Variants in CAST observed in about 807,000 individuals in gnomAD.
CAST encodes the protein MIR583 host.
Under a neutral mutation model 119.6 loss-of-function variants are expected in CAST, and 76 were observed. The ratio of observed to expected loss-of-function variants is 0.64; its 90% confidence interval spans 0.53 to 0.77. The LOEUF (loss-of-function observed/expected upper bound fraction) is 0.77. Among genes scored for constraint, CAST ranks in the 30% least tolerant of loss-of-function variants. The pLI is 0.00. For synonymous variants in CAST, 319 were observed against 331.6 expected, an observed-to-expected ratio of 0.96 and a Z score of 0.41; for missense variants, 953 against 946.5, an observed-to-expected ratio of 1.01 and a Z score of -0.09.
the CAST span, among the ~76,000 whole-genome samples, chr5:96,437,546 T>C: frequency 1.3e-5 from 2 of 152,202 alleles, no homozygotes; most frequent in African/African-American, 4.8e-5. Flanking sequence ...TCCTGAAGTA[T>C]GTCTTTCTAT....
chr5:96,560,751 G>T (rs1404147122), intron 1 of CAST, among the ~76,000 whole-genome samples: 1 of 152,050 alleles, frequency 6.6e-6, no homozygotes, highest in East Asian at 1.9e-4. Context: ...TACACTGTTG[G>T]TGGGACTGTA....
At chr5:96,758,580 ATATATT>A (rs1484973042) in intron 24 of CAST, among the ~76,000 whole-genome samples, 2 of 152,198 alleles carry the variant, frequency 1.3e-5, no homozygotes, top group East Asian at 1.9e-4. Context: ...GGCATGGAAA[ATATATT>A]TATATCAGTT....
At chr5:96,243,748 G>T in the CAST span, among the ~76,000 whole-genome samples, 8 of 152,092 alleles carry the variant, frequency 5.3e-5, no homozygotes, top group Non-Finnish European at 7.3e-5. Context: ...GTGGACATCT[G>T]CGGATTTTTT....
intron 2 of CAST, chr5:96,675,885 G>C: frequency 3.3e-6 from 1 of 300,380 alleles, no homozygotes; most frequent in Non-Finnish European, 6.0e-6. Context: ...AAATTGTTTT[G>C]TTGGCGAATA....
At chr5:96,561,786 G>GGTTTTTTTTTTTTTTTTTTTTT (rs1189100090) in intron 1 of CAST, among the ~76,000 whole-genome samples, 2 of 105,432 alleles carry the variant, frequency 1.9e-5, no homozygotes, top group Non-Finnish European at 1.9e-5. Flanking sequence ...TTATATATAT[G>GGTTTTTTTTTTTTTTTTTTTTT]TTTTTTTTTG....
At chr5:96,508,241 G>C in the CAST span, among the ~76,000 whole-genome samples, 1 of 152,026 alleles carries the variant, frequency 6.6e-6, no homozygotes, top group African/African-American at 2.4e-5. Flanking sequence ...GAGCAAGCCA[G>C]GCCCAAATTC....
At chr5:96,285,661 G>C in the CAST span, among the ~76,000 whole-genome samples, 18 of 152,104 alleles carry the variant, frequency 1.2e-4, 1 homozygote, top group Non-Finnish European at 2.6e-4. Flanking sequence ...CCTCATCTCA[G>C]TTATTCCGCT....
In CAST at chr5:96,731,771, C is replaced by T. The variant is rs149546; in HGVS notation, c.630+911C>T. On this transcript the variant is annotated intron_variant, in intron 9 of 31. Transcript: ENST00000675179. ...TGCGGTGTTTGGTTTTTCGTTCTTG[C>T]GATAGTTTACTGAGAATGATGATTT... Among the ~76,000 whole-genome samples the T allele has an allele frequency of 2.3e-3, 337 of 148,564 alleles. 16 individuals carry two copies. The South Asian group carries it at 0.063, about 28-fold the overall frequency.
chr5:96,625,956 A>G (rs1486533069), intron 1 of CAST, among the ~76,000 whole-genome samples: 1 of 152,186 alleles, frequency 6.6e-6, no homozygotes, highest in African/African-American at 2.4e-5. Context: ...AACTGCCTGC[A>G]GTCTGAGACC....
At chr5:96,727,594 T>C (rs968951589) in intron 6 of CAST, 64 bp downstream of exon 6, 17 of 1,083,552 alleles carry the variant, frequency 1.6e-5, no homozygotes, top group Non-Finnish European at 2.3e-5. Flanking sequence ...AATAATCAAC[T>C]TCCTGCCTTG....
the CAST span, among the ~76,000 whole-genome samples, chr5:96,058,115 G>T: frequency 6.6e-6 from 1 of 152,006 alleles, no homozygotes; most frequent in Non-Finnish European, 1.5e-5. Context: ...TTGCTGTGGT[G>T]CATTACCCAG....
In CAST at chr5:96,632,099, T is replaced by G. The variant is rs1333495145; in HGVS notation, c.61-43440T>G. ...TGTAGCATCATAATGACTAATTATGTTGATCACCTTTCATGTGCTTGTCAG... is the reference window on the plus strand; with the variant it reads ...TGTAGCATCATAATGACTAATTATGGTGATCACCTTTCATGTGCTTGTCAG... On this transcript the variant is annotated intron_variant, in intron 1 of 11. Coordinates refer to the CAST transcript ENST00000505143. 2.0e-5 allele frequency among the ~76,000 whole-genome samples: 3 copies of G among 151,692 alleles called. No individual in the cohort carries two copies. The East Asian group carries it at 5.8e-4, about 29-fold the overall frequency.
At chr5:96,103,245 A>T in the CAST span, among the ~76,000 whole-genome samples, 2 of 151,964 alleles carry the variant, frequency 1.3e-5, no homozygotes, top group East Asian at 1.9e-4. Flanking sequence ...CATGTGCACA[A>T]TGTGCAGGTT....
the CAST span, among the ~76,000 whole-genome samples, chr5:96,206,736 G>A: frequency 6.6e-6 from 1 of 152,054 alleles, no homozygotes; most frequent in Non-Finnish European, 1.5e-5. Context: ...GACAGATAAT[G>A]TGATGCCTCC....
chr5:96,767,826 T>G (rs1246300588), intron 28 of CAST, 81 bp from the exon 29 acceptor site: 1 of 789,352 alleles, frequency 1.3e-6, no homozygotes, highest in East Asian at 2.5e-5. Context: ...ATCTTTTATT[T>G]GTAAGTGATG....
chr5:96,677,990 A>T (rs972334661), intron 2 of CAST, among the ~76,000 whole-genome samples: 2 of 152,190 alleles, frequency 1.3e-5, no homozygotes, highest in Non-Finnish European at 2.9e-5. Context: ...CAAATAAGTC[A>T]TTAATGAGAT....
the CAST span, among the ~76,000 whole-genome samples, chr5:96,487,352 T>C: frequency 1.3e-5 from 2 of 152,242 alleles, no homozygotes; most frequent in Non-Finnish European, 1.5e-5. Flanking sequence ...TACATCATAC[T>C]ATCATAGCAT....
At chr5:96,133,805 G>A in the CAST span, among the ~76,000 whole-genome samples, 1 of 152,212 alleles carries the variant, frequency 6.6e-6, no homozygotes, top group African/African-American at 2.4e-5. Context: ...CTGCATTGGT[G>A]AAGACGAGAA....
intron 3 of CAST, among the ~76,000 whole-genome samples, chr5:96,710,275 G>A (rs1755837741): frequency 6.6e-6 from 1 of 152,156 alleles, no homozygotes; most frequent in African/African-American, 2.4e-5. Flanking sequence ...GACAGAGATT[G>A]TCACCAGGAA....
Sources: gnomAD v4.1 joint callset for allele counts (sites outside exome capture counted in the v4.1 genomes callset) on GRCh38, gnomAD v4.1.1 for gene constraint, MANE v1.5 for transcripts, NCBI Gene and HGNC (gene_info 2026-07-23, HGNC 2026-07-21) for gene names.